The following MARK3 variants were observed in gnomAD, a reference collection of about 807,000 sequenced individuals.
MARK3 encodes the protein microtubule affinity regulating kinase 3, also known as MAP/microtubule affinity-regulating kinase 3.
MARK3 carries 46 observed loss-of-function variants against 90.1 expected under a neutral mutation model. That is an observed-to-expected ratio of 0.51 (90% CI 0.40 to 0.65). The LOEUF (loss-of-function observed/expected upper bound fraction) is 0.65, where lower values mean the gene tolerates loss of function less well. Ranked by LOEUF, MARK3 falls within the 30% of genes least tolerant of loss-of-function variation. The probability of loss-of-function intolerance (pLI) is 0.00; values close to 1 mark genes in which losing one functional copy is unlikely to be tolerated. For synonymous variants in MARK3, 321 were observed against 332.6 expected, an observed-to-expected ratio of 0.97 and a Z score of 0.38; for missense variants, 818 against 947.2, an observed-to-expected ratio of 0.86 and a Z score of 1.79.
At chr14:103,452,738 TG>T (rs2092843430) in intron 5 of MARK3, among the ~76,000 whole-genome samples, 1 of 152,160 alleles carries the variant, frequency 6.6e-6, no homozygotes, top group African/African-American at 2.4e-5. Flanking sequence ...CCCAAAGTGC[TG>T]GGATTACAGG....
chr14:103,483,077 G>A (rs150695759), intron 14 of MARK3, among the ~76,000 whole-genome samples: 2 of 152,320 alleles, frequency 1.3e-5, no homozygotes, highest in Non-Finnish European at 2.9e-5. Flanking sequence ...GGCACTAAAT[G>A]TGACAGCTTT....
chr14:103,446,504 A>C (rs2092997604), intron 3 of MARK3, among the ~76,000 whole-genome samples: 3 of 152,132 alleles, frequency 2.0e-5, no homozygotes. Flanking sequence ...CCTGGGCATC[A>C]GAGTAAGACT....
At chr14:103,467,876 T>C (rs936006562) in intron 11 of MARK3, 157 bp from the exon 12 acceptor site, 1 of 595,608 alleles carries the variant, frequency 1.7e-6, no homozygotes, top group Admixed American at 3.6e-5. Flanking sequence ...AAAACTACTT[T>C]TGCTTGAGTT....
At chr14:103,425,411 C>T (rs796424774) in intron 2 of MARK3, among the ~76,000 whole-genome samples, 18 of 151,438 alleles carry the variant, frequency 1.2e-4, no homozygotes, top group African/African-American at 3.2e-4. Context: ...TATAGGCATC[C>T]GCCACCAAGC....
At chr14:103,399,713 G>A (rs76652177) in intron 1 of MARK3, among the ~76,000 whole-genome samples, 37,231 of 120,330 alleles carry the variant, frequency 0.31, 6,416 homozygotes, top group East Asian at 0.47. Flanking sequence ...AAAAAAAAAA[G>A]AAAAAAAAAA....
intron 13 of MARK3, among the ~76,000 whole-genome samples, chr14:103,476,561 T>C (rs1199702100): frequency 6.6e-6 from 1 of 152,234 alleles, no homozygotes; most frequent in Non-Finnish European, 1.5e-5. Context: ...CTTTTTTCTG[T>C]GTATTGAAGT....
At chr14:103,393,430 A>G (rs1182739189) in intron 1 of MARK3, among the ~76,000 whole-genome samples, 1 of 152,178 alleles carries the variant, frequency 6.6e-6, no homozygotes, top group Non-Finnish European at 1.5e-5. Flanking sequence ...GTCGACCTGG[A>G]CAACATGGTG....
At chr14:103,490,524 A>C (rs1382234847) in intron 14 of MARK3, 1 of 152,250 alleles carries the variant, frequency 6.6e-6, no homozygotes, top group Non-Finnish European at 1.5e-5. Flanking sequence ...GTCTCTACAA[A>C]AAAAATAAAT....
At chr14:103,400,009 A>C (rs1206260571) in intron 1 of MARK3, among the ~76,000 whole-genome samples, 1 of 151,438 alleles carries the variant, frequency 6.6e-6, no homozygotes, top group Non-Finnish European at 1.5e-5. Context: ...GCTCACTGCA[A>C]CTGTCGCCTC....
At chr14:103,473,617 A>C (rs1286717832) in intron 12 of MARK3, among the ~76,000 whole-genome samples, 1 of 152,214 alleles carries the variant, frequency 6.6e-6, no homozygotes, top group African/African-American at 2.4e-5. Flanking sequence ...TTCTCCCACA[A>C]ATAAAATTAA....
chr14:103,386,193 C>T, intron 1 of MARK3, 113 bp downstream of exon 1: 4 of 1,034,496 alleles, frequency 3.9e-6, no homozygotes, highest in South Asian at 2.6e-5. Context: ...AAATAGAGGG[C>T]AGGCCGTAGT....
At chr14:103,402,128 A>G (rs1012489144) in intron 1 of MARK3, among the ~76,000 whole-genome samples, 1 of 152,192 alleles carries the variant, frequency 6.6e-6, no homozygotes, top group South Asian at 2.1e-4. Flanking sequence ...ATATCTGATA[A>G]TGAACAAAAC....
intron 3 of MARK3, among the ~76,000 whole-genome samples, chr14:103,446,974 T>A (rs758735771): frequency 6.6e-6 from 1 of 152,160 alleles, no homozygotes; most frequent in African/African-American, 2.4e-5. Context: ...GTGACTATCT[T>A]CTCATCTCAG....
At chr14:103,454,615 G>A (rs1380588781) in intron 5 of MARK3, among the ~76,000 whole-genome samples, 1 of 152,126 alleles carries the variant, frequency 6.6e-6, no homozygotes, top group Admixed American at 6.5e-5. Context: ...TTGTTGATGT[G>A]TTTGCCATTG....
At position 103,503,309 on chromosome 14, in the gene MARK3, CA is replaced by C. The variant is rs1420142145; in HGVS notation, c.*84del. On this transcript the variant is annotated 3_prime_UTR_variant, in exon 18 of 18. Transcript: ENST00000429436. ...GGAAATGTATAGAATAATATTTAGGCAATAACGTCTGCATCTTCTAAATCAT... is the reference window on the plus strand; with the variant it reads ...GGAAATGTATAGAATAATATTTAGGCATAACGTCTGCATCTTCTAAATCAT... 2 of 1,193,582 alleles carry C rather than the reference CA, an allele frequency of 1.7e-6. No homozygotes were observed. Among genetic ancestry groups the C allele is most frequent in the African/African-American group, 1.5e-5 (1 of 65,408 alleles). 73.9% of individuals were successfully genotyped at this position (1,193,582 alleles called of 1,614,324 possible).
At chr14:103,443,158 T>A in intron 3 of MARK3, among the ~76,000 whole-genome samples, 1 of 152,170 alleles carries the variant, frequency 6.6e-6, no homozygotes, top group East Asian at 1.9e-4. Context: ...AAACATGACT[T>A]ACCAAAATTA....
chr14:103,467,323 C>G (rs1416468212), intron 11 of MARK3, 132 bp downstream of exon 11: 1 of 527,196 alleles, frequency 1.9e-6, no homozygotes, highest in Non-Finnish European at 3.4e-6. Flanking sequence ...TTGCAAATAG[C>G]AAATCTAAAT....
chr14:103,393,042 G>C (rs2090361179), intron 1 of MARK3, among the ~76,000 whole-genome samples: 2 of 152,108 alleles, frequency 1.3e-5, no homozygotes, highest in Non-Finnish European at 2.9e-5. Context: ...GGAGTGCAGT[G>C]GCATGATCTT....
chr14:103,476,533 T>G (rs1345448118), intron 13 of MARK3, among the ~76,000 whole-genome samples: 1 of 152,188 alleles, frequency 6.6e-6, no homozygotes, highest in Non-Finnish European at 1.5e-5. Context: ...TTAAATTGAA[T>G]CCATTCAGCT....
Sources: allele counts gnomAD v4.1 joint callset (sites outside exome capture counted in the v4.1 genomes callset), GRCh38; gene constraint gnomAD v4.1.1; transcripts MANE v1.5; gene names NCBI Gene and HGNC (gene_info 2026-07-23, HGNC 2026-07-21).